Variants in ACTR3 observed in about 807,000 individuals in gnomAD.
ACTR3 encodes actin-related protein 3.
A neutral mutation model predicts 56.8 loss-of-function variants in ACTR3; 12 were observed. That is an observed-to-expected ratio of 0.21 (90% CI 0.14 to 0.34). ACTR3 has a LOEUF of 0.34. Among genes scored for constraint, ACTR3 ranks in the 10% least tolerant of loss-of-function variants. ACTR3 has a pLI of 1.00. For missense variants in ACTR3, 282 were observed against 512.5 expected, an observed-to-expected ratio of 0.55 and a Z score of 4.34; for synonymous variants, 162 against 167.4, an observed-to-expected ratio of 0.97 and a Z score of 0.25.
At chr2:113,939,797 G>A (rs1574376924) in intron 6 of ACTR3, among the ~76,000 whole-genome samples, 162 bp from the exon 7 acceptor site, 1 of 152,258 alleles carries the variant, frequency 6.6e-6, no homozygotes, top group East Asian at 1.9e-4. Context: ...GCCATTCTTA[G>A]TTATAGTTTC....
rs960836105 is a variant in ACTR3, at chr2:113,890,635, C to T, written c.44+312C>T. On this transcript the variant is annotated intron_variant, in intron 1 of 11. Coordinates refer to ENST00000263238, the MANE Select transcript of ACTR3 (RefSeq NM_005721.5). The stretch of plus-strand genomic sequence containing the variant: ...AGCGCCGCCCAAAGGGCGCTGGGGA[C>T]GGTCGTCTTGGGGGTGGTCCCCGGG... 19 of 1,268,898 alleles carry T rather than the reference C, an allele frequency of 1.5e-5. No individual in the cohort carries two copies. In the African/African-American group the frequency reaches 2.8e-4, roughly 19 times the overall value. 78.6% of individuals were successfully genotyped at this position (1,268,898 alleles called of 1,614,324 possible). A position where few individuals can be genotyped will look rare whatever the true frequency, so the allele number is the denominator to read the frequency against.
chr2:113,940,622 A>G (rs1166108438), intron 7 of ACTR3, among the ~76,000 whole-genome samples: 1 of 152,102 alleles, frequency 6.6e-6, no homozygotes, highest in African/African-American at 2.4e-5. Context: ...TCAGTGCTTC[A>G]TGCAAACTAT....
rs1191775296 is a variant in ACTR3, at chr2:113,960,228, A to G, written c.*2773A>G. The G allele has an allele frequency of 2.6e-5, 4 of 151,968 alleles. No individual in the cohort carries two copies. Among genetic ancestry groups the G allele is most frequent in the East Asian group, 1.9e-4 (1 of 5,194 alleles). 9.4% of individuals were successfully genotyped at this position (151,968 alleles called of 1,614,324 possible). On this transcript the variant is annotated 3_prime_UTR_variant, in exon 12 of 12. Transcript: ENST00000263238. ...ATGCCTGCTTTTCAAAAAGTGAGCA[A>G]ATTTCACATCTTCACCCTTAGACAT... is the stretch of plus-strand genomic sequence containing the variant.
At chr2:113,921,119 G>C (rs555812901) in intron 3 of ACTR3, among the ~76,000 whole-genome samples, 1 of 152,048 alleles carries the variant, frequency 6.6e-6, no homozygotes, top group South Asian at 2.1e-4. Context: ...GCACATCCTT[G>C]CCAGCATTTG....
At chr2:113,917,866 G>C (rs1679436288) in intron 3 of ACTR3, among the ~76,000 whole-genome samples, 1 of 152,202 alleles carries the variant, frequency 6.6e-6, no homozygotes, top group African/African-American at 2.4e-5. Context: ...CACACACACA[G>C]TGCTCTGTGC....
chr2:113,903,761 T>G (rs1679143888), intron 1 of ACTR3, among the ~76,000 whole-genome samples: 1 of 152,168 alleles, frequency 6.6e-6, no homozygotes, highest in Admixed American at 6.5e-5. Flanking sequence ...CCCTAAGTGC[T>G]GGGATTACAG....
chr2:113,956,918 T>C (rs1680226103), intron 11 of ACTR3, among the ~76,000 whole-genome samples: 1 of 152,210 alleles, frequency 6.6e-6, no homozygotes, highest in Non-Finnish European at 1.5e-5. Flanking sequence ...AGACCTTGAA[T>C]GAGGAAGGCA....
chr2:113,906,043 C>A (rs1418748336), intron 1 of ACTR3, among the ~76,000 whole-genome samples: 2 of 152,152 alleles, frequency 1.3e-5, no homozygotes, highest in African/African-American at 4.8e-5. Flanking sequence ...CGTGTAATTA[C>A]TGTATTTAAT....
rs1680292483 is a variant in ACTR3 at position 113,959,725 on chromosome 2, G to C, written c.*2270G>C. 6.6e-6 allele frequency: 1 copy of C among 151,936 alleles called. No individual in the cohort carries two copies. The highest frequency in any genetic ancestry group is 1.9e-4 in the East Asian group (1 of 5,190). The allele number at this position is 151,936 out of a possible 1,614,324, so 9.4% of individuals were successfully genotyped here. On this transcript the variant is annotated 3_prime_UTR_variant, in exon 12 of 12. Transcript: ENST00000263238. ...TTTCAACTTAAAGCAACTTCAGCTG[G>C]AAATATGTAGAGGTTGGCCAAGGTG...
At chr2:113,927,255 C>T in intron 3 of ACTR3, 90 bp from the exon 4 acceptor site, 1 of 738,042 alleles carries the variant, frequency 1.4e-6, no homozygotes, top group Non-Finnish European at 2.1e-6. Context: ...ATCTAATATC[C>T]ACTAATGATC....
chr2:113,940,511 A>G (rs2104618087), intron 7 of ACTR3, among the ~76,000 whole-genome samples: 1 of 152,294 alleles, frequency 6.6e-6, no homozygotes, highest in Middle Eastern at 3.4e-3. Flanking sequence ...GTGCTATAGT[A>G]TAGAAGCAGT....
chr2:113,905,558 A>G (rs769158768), intron 1 of ACTR3, among the ~76,000 whole-genome samples: 1 of 152,066 alleles, frequency 6.6e-6, no homozygotes, highest in African/African-American at 2.4e-5. Context: ...CATAAAGTAC[A>G]TTCACATTAT....
intron 3 of ACTR3, among the ~76,000 whole-genome samples, chr2:113,918,578 G>A (rs1679450707): frequency 6.6e-6 from 1 of 151,948 alleles, no homozygotes; most frequent in African/African-American, 2.4e-5. Flanking sequence ...TAGAGATGGA[G>A]TTTCATCATG....
chr2:113,918,386 C>CTTTT (rs59646022), intron 3 of ACTR3, among the ~76,000 whole-genome samples: 1 of 137,704 alleles, frequency 7.3e-6, no homozygotes, highest in Admixed American at 7.3e-5. Context: ...TCTTTTCTTT[C>CTTTT]TTTTTTTTTT....
intron 3 of ACTR3, among the ~76,000 whole-genome samples, chr2:113,917,779 A>C (rs942443997): frequency 1.3e-5 from 2 of 152,206 alleles, no homozygotes; most frequent in African/African-American, 4.8e-5. Flanking sequence ...CCCCGACTGC[A>C]AGGCTATTAT....
intron 2 of ACTR3, among the ~76,000 whole-genome samples, chr2:113,916,427 T>G (rs1679406234): frequency 6.6e-6 from 1 of 152,194 alleles, no homozygotes; most frequent in Non-Finnish European, 1.5e-5. Flanking sequence ...TTACTGTTAC[T>G]AGACCCAATC....
At chr2:113,900,714 G>A (rs1039123405) in intron 1 of ACTR3, among the ~76,000 whole-genome samples, 3 of 152,180 alleles carry the variant, frequency 2.0e-5, no homozygotes, top group South Asian at 2.1e-4. Context: ...GGTGGAACAA[G>A]CATTCAGTCA....
At chr2:113,929,313 GT>G (rs1679676951) in intron 4 of ACTR3, among the ~76,000 whole-genome samples, 1 of 151,856 alleles carries the variant, frequency 6.6e-6, no homozygotes, top group Non-Finnish European at 1.5e-5. Context: ...TGGGTAATGT[GT>G]TCTGGTTTAG....
chr2:113,942,848 G>A (rs1679949680), intron 8 of ACTR3, among the ~76,000 whole-genome samples: 1 of 152,010 alleles, frequency 6.6e-6, no homozygotes, highest in South Asian at 2.1e-4. Context: ...ATTAAATTAA[G>A]AAATACATAC....
Sources: allele counts gnomAD v4.1 joint callset (sites outside exome capture counted in the v4.1 genomes callset), GRCh38; gene constraint gnomAD v4.1.1; transcripts MANE v1.5; gene names NCBI Gene and HGNC (gene_info 2026-07-23, HGNC 2026-07-21).